Variants in PTPRK observed in about 807,000 individuals in gnomAD.
PTPRK encodes protein tyrosine phosphatase receptor type K.
PTPRK carries 75 observed loss-of-function variants against 178.0 expected under a neutral mutation model. The ratio of observed to expected loss-of-function variants is 0.42; its 90% CI spans 0.35 to 0.51. The LOEUF is 0.51. Among genes scored for constraint, PTPRK ranks in the 20% least tolerant of loss-of-function variants. The probability of loss-of-function intolerance (pLI) is 0.02; values close to 1 mark genes in which losing one functional copy is unlikely to be tolerated. For missense variants in PTPRK, 1,441 were observed against 1,797.8 expected (o/e 0.80, Z 3.59); for synonymous variants, 637 against 620.6 (o/e 1.03, Z -0.39).
At chr6:128,112,862 A>T (rs1790894497) in intron 7 of PTPRK, among the ~76,000 whole-genome samples, 2 of 152,094 alleles carry the variant, frequency 1.3e-5, no homozygotes, top group African/African-American at 4.8e-5. Context: ...ATGCAGTTTG[A>T]TTTCTTACAG....
chr6:128,257,937 A>C (rs1446031701), intron 3 of PTPRK, among the ~76,000 whole-genome samples: 2 of 152,196 alleles, frequency 1.3e-5, no homozygotes, highest in East Asian at 3.9e-4. Flanking sequence ...CCAGTTCTCA[A>C]AAATATGAAG....
At chr6:128,239,935 A>G in intron 5 of PTPRK, 100 bp downstream of exon 5, 1 of 844,038 alleles carries the variant, frequency 1.2e-6, no homozygotes, top group Non-Finnish European at 1.9e-6. Context: ...GCACACGCAC[A>G]CACACACACA....
intron 13 of PTPRK, among the ~76,000 whole-genome samples, chr6:128,041,233 A>G (rs949911062): frequency 8.5e-5 from 13 of 152,144 alleles, no homozygotes; most frequent in Non-Finnish European, 2.9e-5. Flanking sequence ...ATCATATTCT[A>G]TCTTTCCCTC....
At chr6:128,283,323 T>A (rs1438207158) in intron 3 of PTPRK, among the ~76,000 whole-genome samples, 1 of 152,108 alleles carries the variant, frequency 6.6e-6, no homozygotes, top group Non-Finnish European at 1.5e-5. Flanking sequence ...CAAACAAGAC[T>A]CAGAAATATA....
intron 3 of PTPRK, among the ~76,000 whole-genome samples, chr6:128,311,493 CTCA>C (rs944771318): frequency 2.0e-5 from 3 of 152,224 alleles, no homozygotes; most frequent in Admixed American, 2.0e-4. Flanking sequence ...TACTTCCCTC[CTCA>C]TTTCAAGACC....
chr6:128,150,203 G>T (rs1345446879), intron 7 of PTPRK, among the ~76,000 whole-genome samples: 1 of 151,852 alleles, frequency 6.6e-6, no homozygotes, highest in African/African-American at 2.4e-5. Flanking sequence ...GTGGGGGTGG[G>T]GTCACAGATC....
intron 1 of PTPRK, among the ~76,000 whole-genome samples, chr6:128,469,127 A>G (rs1344302332): frequency 2.0e-5 from 3 of 152,166 alleles, no homozygotes; most frequent in East Asian, 1.9e-4. Context: ...ACAAACCAGT[A>G]TCTAACATTG....
chr6:128,483,319 A>G (rs1297727997), intron 1 of PTPRK, among the ~76,000 whole-genome samples: 2 of 152,094 alleles, frequency 1.3e-5, no homozygotes, highest in Admixed American at 6.6e-5. Context: ...TTTACTTCCT[A>G]TGAGAGGTAT....
chr6:128,329,546 C>T (rs1308013139), intron 2 of PTPRK, among the ~76,000 whole-genome samples: 1 of 152,066 alleles, frequency 6.6e-6, no homozygotes, highest in Non-Finnish European at 1.5e-5. Context: ...AATTCCAGTT[C>T]AAGTCCAAGT....
intron 1 of PTPRK, among the ~76,000 whole-genome samples, chr6:128,512,982 A>G (rs1857402083): frequency 6.6e-6 from 1 of 152,232 alleles, no homozygotes; most frequent in African/African-American, 2.4e-5. Flanking sequence ...AATGATTTGC[A>G]TATAGCATGT....
rs1437092132 is a variant in PTPRK, at chr6:128,193,504, C to CA, written c.869-8780dup. 4.6e-5 allele frequency among the ~76,000 whole-genome samples: 7 copies of CA among 151,626 alleles called. No individual in the cohort carries two copies. The South Asian group carries it at 1.5e-3, about 32-fold the overall frequency. Reference sequence around the variant, plus strand: ...TGTGTGTGTGTGTGTGTCCCTTGAACAAAAATTTAATTCAGGGTAGGAGAA... The same window carrying CA: ...TGTGTGTGTGTGTGTGTCCCTTGAACAAAAAATTTAATTCAGGGTAGGAGAA... On this transcript the variant is annotated intron_variant, in intron 6 of 29. Transcript: ENST00000368226.
At chr6:128,084,126 T>C (rs140138638) in intron 8 of PTPRK, among the ~76,000 whole-genome samples, 14 of 152,242 alleles carry the variant, frequency 9.2e-5, no homozygotes, top group African/African-American at 3.4e-4. Context: ...TTTCCTCTGT[T>C]GTATACCTCT....
At chr6:128,413,634 T>C (rs1204541191) in intron 1 of PTPRK, among the ~76,000 whole-genome samples, 1 of 152,128 alleles carries the variant, frequency 6.6e-6, no homozygotes, top group Non-Finnish European at 1.5e-5. Flanking sequence ...TTTGAGAAAT[T>C]AGATCTTTCC....
At chr6:128,405,906 G>A (rs929014475) in intron 1 of PTPRK, among the ~76,000 whole-genome samples, 1 of 151,904 alleles carries the variant, frequency 6.6e-6, no homozygotes, top group African/African-American at 2.4e-5. Flanking sequence ...TTTTAAGGAG[G>A]TCAACAATTA....
chr6:128,407,319 T>C (rs78000157), intron 1 of PTPRK, among the ~76,000 whole-genome samples: 5,427 of 152,090 alleles, frequency 0.036, 126 homozygotes, highest in Non-Finnish European at 0.057. Context: ...TCTCCAAACT[T>C]GAAATATTCT....
At chr6:128,049,643 A>T (rs983160570) in intron 13 of PTPRK, among the ~76,000 whole-genome samples, 15 of 152,136 alleles carry the variant, frequency 9.9e-5, no homozygotes, top group Non-Finnish European at 1.9e-4. Context: ...AAATTTTAAT[A>T]TAATTTATAT....
At chr6:128,321,462 C>A (rs1257739755) in intron 3 of PTPRK, 3 of 247,248 alleles carry the variant, frequency 1.2e-5, no homozygotes, top group East Asian at 2.5e-4. Context: ...CTGAAACAAA[C>A]ATCCAAAGCT....
chr6:128,337,785 G>A (rs1831144061), intron 2 of PTPRK, among the ~76,000 whole-genome samples: 1 of 152,116 alleles, frequency 6.6e-6, no homozygotes, highest in Non-Finnish European at 1.5e-5. Flanking sequence ...ATCATGTAAT[G>A]GGGAGATATG....
At chr6:128,426,723 T>C (rs908990830) in intron 1 of PTPRK, among the ~76,000 whole-genome samples, 2 of 152,260 alleles carry the variant, frequency 1.3e-5, no homozygotes, top group African/African-American at 4.8e-5. Context: ...GGCTTTTCTA[T>C]AACCCATGTT....
Sources: gnomAD v4.1 joint callset for allele counts (sites outside exome capture counted in the v4.1 genomes callset) on GRCh38, gnomAD v4.1.1 for gene constraint, MANE v1.5 for transcripts, NCBI Gene and HGNC (gene_info 2026-07-23, HGNC 2026-07-21) for gene names.